Variants in SRGAP2 observed in about 807,000 individuals in gnomAD.
The protein encoded by SRGAP2 is SLIT-ROBO Rho GTPase-activating protein 2.
SRGAP2 carries 15 observed loss-of-function variants against 57.2 expected under a neutral mutation model. The observed-to-expected ratio is 0.26, with a 90% CI of 0.18 to 0.40. The LOEUF (loss-of-function observed/expected upper bound fraction) is 0.40, where lower values mean the gene tolerates loss of function less well. Ranked by LOEUF, SRGAP2 falls within the 10% of genes least tolerant of loss-of-function variation. The pLI is 1.00. For missense variants in SRGAP2, 520 were observed against 669.6 expected (o/e 0.78, Z 2.47); for synonymous variants, 249 against 248.0 (o/e 1.00, Z -0.04).
intron 10 of SRGAP2, among the ~76,000 whole-genome samples, chr1:206,410,639 G>T (rs1468782095): frequency 1.3e-5 from 2 of 152,176 alleles, no homozygotes; most frequent in East Asian, 3.9e-4. Flanking sequence ...AGATATAGAA[G>T]TATTCCACTT....
At chr1:206,430,333 A>T in intron 14 of SRGAP2, 111 bp downstream of exon 14, 1 of 720,112 alleles carries the variant, frequency 1.4e-6, no homozygotes, top group Non-Finnish European at 2.6e-6. Context: ...CATTCTCAGA[A>T]AAGGAATAAA....
At chr1:206,437,864 G>A (rs2103322329) in intron 15 of SRGAP2, 100 bp from the exon 16 acceptor site, 2 of 730,270 alleles carry the variant, frequency 2.7e-6, no homozygotes, top group East Asian at 4.9e-5. Context: ...CTGATGGATT[G>A]GGACCAGGAC....
rs1663624183 is a variant in SRGAP2 at position 206,454,362 on chromosome 1, G to T, written c.2361-516G>T. On this transcript the variant is annotated intron_variant, in intron 20 of 22. Coordinates refer to ENST00000573034, the MANE Select transcript of SRGAP2 (RefSeq NM_015326.5). This position sits in a 1 kb window ranked among gnomAD's most constrained non-coding sequence, Gnocchi z 4.3. ...TCATCAGTAGCCAGAGGGGCCAGGA[G>T]AGCAGTGGAGAGACCTGGGACCGGC... 7 of 610,910 alleles carry T rather than the reference G, an allele frequency of 1.1e-5. No individual in the cohort carries two copies. Among genetic ancestry groups the T allele is most frequent in the Non-Finnish European group, 2.0e-5 (7 of 342,490 alleles). The allele number at this position is 610,910 out of a possible 1,614,324, so 37.8% of individuals were successfully genotyped here.
At chr1:206,229,852 G>A (rs1317343342) in intron 2 of SRGAP2, among the ~76,000 whole-genome samples, 1 of 151,630 alleles carries the variant, frequency 6.6e-6, no homozygotes, top group African/African-American at 2.4e-5. Flanking sequence ...TTACTGGGCT[G>A]TGGAGGCAGT....
intron 4 of SRGAP2, among the ~76,000 whole-genome samples, chr1:206,364,015 G>T (rs1677099169): frequency 6.7e-6 from 1 of 148,382 alleles, no homozygotes; most frequent in Non-Finnish European, 1.5e-5. Flanking sequence ...GCCATGGACA[G>T]ATTTGCCTTT....
In SRGAP2 at chr1:206,383,533, A is replaced by G. The variant is rs534993575; in HGVS notation, c.424-481A>G. On this transcript the variant is annotated intron_variant, in intron 4 of 22. Coordinates refer to ENST00000573034, the MANE Select transcript of SRGAP2 (RefSeq NM_015326.5). ...TTTGGGTAGAAATAAAGCAAGTAAG[A>G]AATATAGTTCCATCCTGCTTGGAGT... Among the ~76,000 whole-genome samples the G allele has an allele frequency of 2.0e-5, 3 of 152,276 alleles. No individual in the cohort carries two copies. In the East Asian group the frequency reaches 5.8e-4, roughly 29 times the overall value.
chr1:206,286,644 A>G (rs1417760779), intron 2 of SRGAP2, among the ~76,000 whole-genome samples: 4 of 152,194 alleles, frequency 2.6e-5, no homozygotes, highest in African/African-American at 9.7e-5. Flanking sequence ...AATTAAAATG[A>G]GGTAAGAGCA....
chr1:206,437,700 A>G, intron 15 of SRGAP2: 1 of 436,122 alleles, frequency 2.3e-6, no homozygotes. Flanking sequence ...TCCTCAGCCC[A>G]TAGGGAATGT....
At chr1:206,397,049 A>G (rs1657666797) in intron 7 of SRGAP2, among the ~76,000 whole-genome samples, 1 of 152,234 alleles carries the variant, frequency 6.6e-6, no homozygotes, top group African/African-American at 2.4e-5. Context: ...ATATTTTGAT[A>G]AGAGATATCT....
chr1:206,253,726 C>T (rs1463346536), intron 2 of SRGAP2, among the ~76,000 whole-genome samples: 3 of 151,076 alleles, frequency 2.0e-5, no homozygotes, highest in East Asian at 1.9e-4. Context: ...GGACTACAGG[C>T]GCCCGCCACC....
chr1:206,332,882 G>A (rs1553332346), intron 3 of SRGAP2, among the ~76,000 whole-genome samples: 1 of 151,290 alleles, frequency 6.6e-6, no homozygotes, highest in African/African-American at 2.4e-5. Context: ...GAGGAGAGGC[G>A]CTCTGCATTT....
chr1:206,427,564 G>C (rs1385579421), intron 13 of SRGAP2, among the ~76,000 whole-genome samples: 1 of 152,180 alleles, frequency 6.6e-6, no homozygotes. Flanking sequence ...CTCTCAGCCT[G>C]ACTTTTTTGT....
At chr1:206,366,624 G>C (rs1654038775) in intron 4 of SRGAP2, among the ~76,000 whole-genome samples, 1 of 152,310 alleles carries the variant, frequency 6.6e-6, no homozygotes, top group Admixed American at 6.5e-5. Context: ...CATGGTCCTT[G>C]TGTTTGTGTT....
At chr1:206,451,240 G>A (rs1459870957) in intron 19 of SRGAP2, among the ~76,000 whole-genome samples, 1 of 151,500 alleles carries the variant, frequency 6.6e-6, no homozygotes, top group Non-Finnish European at 1.5e-5. Flanking sequence ...ATGCTTTCAC[G>A]CCTACCGACT....
chr1:206,418,888 CTGTGTGTGTGTG>C lies in SRGAP2; in HGVS notation c.1442-447_1442-436del, dbSNP rs1159940831. 3.2e-3 allele frequency among the ~76,000 whole-genome samples: 444 copies of C among 136,642 alleles called. 4 individuals are homozygous for C. Among genetic ancestry groups the C allele is most frequent in the African/African-American group, 9.3e-3 (334 of 36,022 alleles). 89.6% of individuals were successfully genotyped at this position (136,642 alleles called of 152,430 possible). On this transcript the variant is annotated intron_variant, in intron 11 of 22. Coordinates refer to ENST00000573034, the MANE Select transcript of SRGAP2 (RefSeq NM_015326.5). ...TTGTTCTCTCAGCCTCCAACTCTCT[CTGTGTGTGTGTG>C]TGTGTGTGTGTGTGTGTGTGTGTGT...
At chr1:206,214,952 T>G (rs1189527591) in intron 2 of SRGAP2, 3 of 152,144 alleles carry the variant, frequency 2.0e-5, no homozygotes, top group Admixed American at 2.0e-4. Flanking sequence ...ATGGCATTGA[T>G]CTCATACTGC....
intron 4 of SRGAP2, among the ~76,000 whole-genome samples, chr1:206,374,230 T>C (rs1197660117): frequency 2.0e-5 from 3 of 150,746 alleles, no homozygotes; most frequent in East Asian, 1.9e-4. Flanking sequence ...GGGTTTCACC[T>C]TGGTCTCGAT....
chr1:206,440,048 T>A lies in SRGAP2; in HGVS notation c.1841T>A (p.Ile614Asn). The A allele has an allele frequency of 1.3e-6, 1 of 780,914 alleles. No individual in the cohort carries two copies. The highest frequency in any genetic ancestry group is 2.4e-6 in the Non-Finnish European group (1 of 417,976). The allele number at this position is 780,914 out of a possible 1,614,324, so 48.4% of individuals were successfully genotyped here. Residue 614 changes from isoleucine (I) to asparagine (N), a missense_variant, in exon 17 of 23, where the codon ATT becomes AAT. Ile to Asn is a moderately radical substitution (Grantham distance 149). Around this residue, in one of 5 missense-constraint regions of SRGAP2, gnomAD observed 478 missense variants for 373.6 expected, o/e 1.28. Transcript: ENST00000573034. ...VLLVLPKTTL[I>N]IMRYLFAFLN... is the part of the protein sequence containing the mutation. ...CTAGTCCTGCCCAAAACCACTCTGA[T>A]TATCATGAGATACCTCTTTGCCTTC... is the stretch of plus-strand genomic sequence containing the variant.
chr1:206,351,318 GA>G (rs1372911528), intron 4 of SRGAP2, among the ~76,000 whole-genome samples: 2 of 150,082 alleles, frequency 1.3e-5, no homozygotes, highest in Non-Finnish European at 3.0e-5. Flanking sequence ...GCCCCCTTAA[GA>G]AAGGGTTTAA....
Sources: gnomAD v4.1 joint callset for allele counts (sites outside exome capture counted in the v4.1 genomes callset) on GRCh38, gnomAD v4.1.1 for gene constraint, gnomAD v4.1.1 regional missense constraint, Gnocchi (gnomAD v3.1) non-coding constraint, MANE v1.5 for transcripts, NCBI Gene and HGNC (gene_info 2026-07-23, HGNC 2026-07-21) for gene names.